ATP11C: variants seen among roughly 807,000 people sequenced by gnomAD.
ATP11C encodes the protein phospholipid-transporting ATPase IG.
Under a neutral mutation model 97.4 loss-of-function variants are expected in ATP11C, and 36 were observed. That is an observed-to-expected ratio of 0.37 (90% CI 0.28 to 0.49). ATP11C has a LOEUF of 0.49. ATP11C is among the 20% of genes least tolerant of loss of function. The pLI is 0.98. For missense variants in ATP11C, 730 were observed against 824.6 expected, an observed-to-expected ratio of 0.89 and a Z score of 1.40; for synonymous variants, 275 against 290.9, an observed-to-expected ratio of 0.95 and a Z score of 0.56.
chrX:139,750,077 G>A lies in ATP11C; in HGVS notation c.2776C>T (p.Leu926=). 1 of 1,204,475 alleles carries A rather than the reference G, an allele frequency of 8.3e-7. No homozygotes were observed. Among genetic ancestry groups the A allele is most frequent in the East Asian group, 3.0e-5 (1 of 33,789 alleles). The part of the protein sequence containing the change: ...TSLPILAYSL[L]EQHINIDTLT... Reference sequence around the variant, plus strand: ...GTGTCAATGTTGATGTGCTGTTCCAGTAGACTATAGGCCAGGATGGGCAAG... The same window carrying A: ...GTGTCAATGTTGATGTGCTGTTCCAATAGACTATAGGCCAGGATGGGCAAG... Residue 926 remains leucine (L), a synonymous_variant, in exon 24 of 30, where the codon CTG becomes TTG. Transcript: ENST00000682941.
intron 1 of ATP11C, among the ~76,000 whole-genome samples, chrX:139,885,144 C>T (rs761081562): frequency 9.0e-6 from 1 of 110,615 alleles, no homozygotes; most frequent in Non-Finnish European, 1.9e-5. Flanking sequence ...AATTCCTGTC[C>T]TTCCCTCCCT....
intron 3 of ATP11C, among the ~76,000 whole-genome samples, chrX:139,817,257 C>A (rs1343569866): frequency 8.9e-6 from 1 of 112,467 alleles, no homozygotes; most frequent in East Asian, 2.8e-4. Flanking sequence ...TCTAGAGATA[C>A]TGCTTTAAAC....
chrX:139,931,279 CGGA>C (rs2085428504), intron 1 of ATP11C, among the ~76,000 whole-genome samples: 1 of 112,103 alleles, frequency 8.9e-6, no homozygotes, highest in African/African-American at 3.2e-5. Flanking sequence ...TAAACGTGGA[CGGA>C]GGAGTCCAGT....
At chrX:139,919,444 A>AACACACAC (rs370999462) in intron 1 of ATP11C, among the ~76,000 whole-genome samples, 285 of 73,948 alleles carry the variant, frequency 3.9e-3, no homozygotes, top group African/African-American at 7.7e-3. Flanking sequence ...CTCAAACTTA[A>AACACACAC]ACACACACAC....
chrX:139,889,361 T>C (rs2084694237), intron 1 of ATP11C, among the ~76,000 whole-genome samples: 2 of 111,639 alleles, frequency 1.8e-5, no homozygotes, highest in Admixed American at 9.6e-5. Context: ...ATTCTAGAAA[T>C]GACGAAACTG....
intron 28 of ATP11C, among the ~76,000 whole-genome samples, chrX:139,733,961 G>A (rs957607519): frequency 2.7e-5 from 3 of 111,245 alleles, no homozygotes; most frequent in Non-Finnish European, 5.7e-5. Flanking sequence ...GCTAGCAACC[G>A]GCAGTGGGGT....
chrX:139,864,236 T>A, intron 1 of ATP11C, among the ~76,000 whole-genome samples: 1 of 112,195 alleles, frequency 8.9e-6, no homozygotes, highest in Non-Finnish European at 1.9e-5. Flanking sequence ...CAGCTATTAA[T>A]GCTTAATTTG....
At chrX:139,792,193 A>C (rs998725466) in intron 12 of ATP11C, among the ~76,000 whole-genome samples, 4 of 110,510 alleles carry the variant, frequency 3.6e-5, no homozygotes, top group African/African-American at 9.9e-5. Context: ...AAGCTTCCAT[A>C]AACTCCCCAA....
At chrX:139,754,956 C>T (rs1050826042) in intron 23 of ATP11C, among the ~76,000 whole-genome samples, 1 of 111,811 alleles carries the variant, frequency 8.9e-6, no homozygotes, top group Non-Finnish European at 1.9e-5. Context: ...CTCACCACTC[C>T]TATTTAACAT....
intron 1 of ATP11C, among the ~76,000 whole-genome samples, chrX:139,849,196 A>G (rs1273755298): frequency 5.4e-5 from 6 of 110,701 alleles, no homozygotes; most frequent in African/African-American, 2.0e-4. Context: ...CCCATTCAAG[A>G]CTCACAAAGA....
intron 1 of ATP11C, among the ~76,000 whole-genome samples, chrX:139,871,062 CAAAA>C (rs142699531): frequency 7.7e-5 from 3 of 38,808 alleles, no homozygotes; most frequent in Admixed American, 3.1e-4. Context: ...GACTCCGTCT[CAAAA>C]AAAAAAAAAA....
At chrX:139,870,623 C>T (rs891536656) in intron 1 of ATP11C, among the ~76,000 whole-genome samples, 14 of 112,074 alleles carry the variant, frequency 1.2e-4, no homozygotes, top group African/African-American at 3.2e-4. Flanking sequence ...AAATGAGCTA[C>T]GGAATATCTA....
Position 139,775,982 on chromosome X carries a change from A to G in ATP11C, c.1953-1029T>C, listed in dbSNP as rs913318305. Among the ~76,000 whole-genome samples, 5 of 112,738 alleles carry G rather than the reference A, an allele frequency of 4.4e-5. 1 individual carries two copies. The Middle Eastern group carries it at 0.014, about 312-fold the overall frequency. Reference sequence around the variant, plus strand: ...CAGTGAGTCCCCAGGGAGCTATGGGATCCCTGGAGATCTATCCCTCGGCAT... The same window carrying G: ...CAGTGAGTCCCCAGGGAGCTATGGGGTCCCTGGAGATCTATCCCTCGGCAT... On this transcript the variant is annotated intron_variant, in intron 18 of 29. Transcript: ENST00000682941.
intron 2 of ATP11C, among the ~76,000 whole-genome samples, chrX:139,824,139 A>T (rs1603390299): frequency 9.2e-6 from 1 of 108,568 alleles, no homozygotes; most frequent in African/African-American, 3.3e-5. Flanking sequence ...AAAAAAAAAA[A>T]AAATTAATTA....
At chrX:139,730,925 T>C (rs1020956598) in intron 29 of ATP11C, among the ~76,000 whole-genome samples, 3 of 111,402 alleles carry the variant, frequency 2.7e-5, no homozygotes, top group East Asian at 2.8e-4. Context: ...CCAAATATTT[T>C]TGGGGGTAAA....
Position 139,737,921 on chromosome X carries a change from C to T in ATP11C, c.3283G>A (p.Ala1095Thr), listed in dbSNP as rs1603335900. 8.3e-7 allele frequency: 1 copy of T among 1,201,601 alleles called. No homozygotes were observed. Among genetic ancestry groups the T allele is most frequent in the Non-Finnish European group, 1.1e-6 (1 of 890,464 alleles). Residue 1095 changes from alanine (A) to threonine (T), a missense_variant, in exon 28 of 30, where the codon GCC becomes ACC. Physicochemically the swap from Ala to Thr is moderately conservative, Grantham distance 58. Coordinates refer to ENST00000682941, the MANE Select transcript of ATP11C (RefSeq NM_001353812.2). ...IVLKNVRRRS[A>T]RRNLSCRRAS... ...AAGATAAACTTAGTTCTTACCCTGG[C>T]ACTTCTTCTTCTTACATTCTTTAAT...
At position 139,731,659 on chromosome X, in the gene ATP11C, AT is replaced by A. The variant is rs2081343208; in HGVS notation, c.3384del (p.Leu1129CysfsTer52). ...TGTTTAACACTAGGTACCTGTTACA[AT>A]ACATTAGATTCGTCTGAGAATGTTC... is the stretch of plus-strand genomic sequence containing the variant. ...LLRTFSDESN[V>X]L On this transcript the variant is annotated frameshift_variant, in exon 29 of 30. Coordinates refer to ENST00000682941, the MANE Select transcript of ATP11C (RefSeq NM_001353812.2). LOFTEE classifies it high-confidence loss of function. The A allele has an allele frequency of 8.5e-7, 1 of 1,175,878 alleles. No homozygotes were observed. Among genetic ancestry groups the A allele is most frequent in the South Asian group, 1.9e-5 (1 of 52,669 alleles).
intron 1 of ATP11C, among the ~76,000 whole-genome samples, chrX:139,899,806 A>G (rs888125986): frequency 9.0e-6 from 1 of 111,711 alleles, no homozygotes; most frequent in Non-Finnish European, 1.9e-5. Flanking sequence ...TTCTAACCAC[A>G]TATCAGAAAG....
At chrX:139,839,556 A>C (rs1170306141) in intron 1 of ATP11C, among the ~76,000 whole-genome samples, 4 of 111,096 alleles carry the variant, frequency 3.6e-5, no homozygotes, top group Admixed American at 2.9e-4. Context: ...CAAGGAGCTT[A>C]GAGTATAGGG....
Sources: allele counts gnomAD v4.1 joint callset (sites outside exome capture counted in the v4.1 genomes callset), GRCh38; gene constraint gnomAD v4.1.1; transcripts MANE v1.5; gene names NCBI Gene and HGNC (gene_info 2026-07-23, HGNC 2026-07-21).